NXPE2: variants seen among roughly 807,000 people sequenced by gnomAD.
NXPE2 encodes neurexophilin and PC-esterase domain family member 2.
Under a neutral mutation model 34.4 loss-of-function variants are expected in NXPE2, and 34 were observed. The observed-to-expected ratio is 0.99, with a 90% CI of 0.75 to 1.31. NXPE2 has a LOEUF of 1.31. Among genes scored for constraint, NXPE2 ranks in the 40% most tolerant of loss-of-function variants. The probability of loss-of-function intolerance (pLI) is 0.00; values close to 1 mark genes in which losing one functional copy is unlikely to be tolerated. For synonymous variants in NXPE2, 235 were observed against 231.3 expected, an observed-to-expected ratio of 1.02 and a Z score of -0.15; for missense variants, 649 against 672.5, an observed-to-expected ratio of 0.97 and a Z score of 0.39.
chr11:114,592,152 A>G, the NXPE2 span, among the ~76,000 whole-genome samples: 1 of 152,192 alleles, frequency 6.6e-6, no homozygotes, highest in African/African-American at 2.4e-5. Context: ...TATTCAACAT[A>G]GTATTGGAAG....
the NXPE2 span, among the ~76,000 whole-genome samples, chr11:114,531,094 A>C: frequency 6.6e-6 from 1 of 151,768 alleles, no homozygotes; most frequent in African/African-American, 2.4e-5. Flanking sequence ...GAAATGAGAT[A>C]TTATGATGAT....
Position 114,690,875 on chromosome 11 carries a change from A to C in NXPE2, c.133-7170A>C, listed in dbSNP as rs529017375. ...CTTCTGCTTGGTCTAGACCATTGTT[A>C]AGGTTTCCAACTGTATTTTAAAATT... On this transcript the variant is annotated intron_variant, in intron 2 of 5. Transcript: ENST00000389586. 8.5e-5 allele frequency among the ~76,000 whole-genome samples: 13 copies of C among 152,070 alleles called. No homozygotes were observed. The East Asian group carries it at 1.9e-3, about 23-fold the overall frequency.
At chr11:114,739,280 T>TTTCCTTCCTTCC in the NXPE2 span, among the ~76,000 whole-genome samples, 42 of 96,936 alleles carry the variant, frequency 4.3e-4, no homozygotes, top group African/African-American at 1.6e-3. Flanking sequence ...TTGCCATTAT[T>TTTCCTTCCTTCC]TTCCTTCCTT....
At chr11:114,522,141 C>G in the NXPE2 span, 6 of 1,614,016 alleles carry the variant, frequency 3.7e-6, no homozygotes, top group Admixed American at 1.7e-5. Flanking sequence ...TGGAAGTCTC[C>G]AAACCTCTCT....
chr11:114,498,530 G>A, the NXPE2 span, among the ~76,000 whole-genome samples: 1 of 151,992 alleles, frequency 6.6e-6, no homozygotes, highest in African/African-American at 2.4e-5. Context: ...ATGCAAAAGA[G>A]TAATGAGCAC....
the NXPE2 span, among the ~76,000 whole-genome samples, chr11:114,630,184 T>C: frequency 1.3e-5 from 2 of 151,756 alleles, no homozygotes; most frequent in African/African-American, 2.4e-5. Context: ...TTAAAGTTCA[T>C]ATGGAACCAA....
chr11:114,618,928 T>G, the NXPE2 span, among the ~76,000 whole-genome samples: 1 of 152,074 alleles, frequency 6.6e-6, no homozygotes, highest in African/African-American at 2.4e-5. Flanking sequence ...GGGTAATCAC[T>G]GCTACCCACT....
At chr11:114,613,421 G>A in the NXPE2 span, among the ~76,000 whole-genome samples, 1 of 151,726 alleles carries the variant, frequency 6.6e-6, no homozygotes, top group African/African-American at 2.4e-5. Flanking sequence ...GTTACCTGGT[G>A]GATAATAAGT....
the NXPE2 span, among the ~76,000 whole-genome samples, chr11:114,779,882 C>T: frequency 2.1e-4 from 32 of 152,118 alleles, no homozygotes; most frequent in Admixed American, 1.2e-3. Context: ...AGGTGAGTGA[C>T]GAAAAAGAAG....
chr11:114,514,571 T>G, the NXPE2 span, among the ~76,000 whole-genome samples: 1 of 152,032 alleles, frequency 6.6e-6, no homozygotes, highest in Non-Finnish European at 1.5e-5. Context: ...TGATATTTTG[T>G]AGGAATGAGG....
the NXPE2 span, among the ~76,000 whole-genome samples, chr11:114,795,989 C>A: frequency 6.6e-6 from 1 of 152,138 alleles, no homozygotes; most frequent in African/African-American, 2.4e-5. Context: ...CTATTCAGTA[C>A]CTAGAATTCC....
the NXPE2 span, among the ~76,000 whole-genome samples, chr11:114,662,818 C>T: frequency 5.0e-4 from 76 of 152,244 alleles, no homozygotes; most frequent in Non-Finnish European, 7.6e-4. Flanking sequence ...CCTGCTGCCT[C>T]GAAGGAAAGG....
the NXPE2 span, among the ~76,000 whole-genome samples, chr11:114,777,713 G>C: frequency 6.6e-6 from 1 of 152,150 alleles, no homozygotes; most frequent in African/African-American, 2.4e-5. Flanking sequence ...TCCCGTGTGA[G>C]CATAGTACAG....
the NXPE2 span, among the ~76,000 whole-genome samples, chr11:114,635,086 C>G: frequency 6.6e-6 from 1 of 151,704 alleles, no homozygotes; most frequent in African/African-American, 2.4e-5. Flanking sequence ...TTGATTCTTC[C>G]TACCCATGAG....
intron 2 of NXPE2, among the ~76,000 whole-genome samples, chr11:114,688,996 T>A (rs953381542): frequency 1.6e-4 from 24 of 152,100 alleles, no homozygotes; most frequent in Admixed American, 1.3e-3. Context: ...TTTGTGAATC[T>A]AGCTAGTGGT....
At chr11:114,723,846 G>T in the NXPE2 span, among the ~76,000 whole-genome samples, 1 of 152,116 alleles carries the variant, frequency 6.6e-6, no homozygotes, top group African/African-American at 2.4e-5. Context: ...CATGGAAGAA[G>T]GAAGGACATA....
chr11:114,471,879 G>A, the NXPE2 span, among the ~76,000 whole-genome samples: 13 of 152,242 alleles, frequency 8.5e-5, no homozygotes, highest in East Asian at 2.5e-3. Context: ...TAGAATAAAA[G>A]CAAAAACAAG....
the NXPE2 span, among the ~76,000 whole-genome samples, chr11:114,740,181 TG>T: frequency 2.0e-5 from 3 of 152,210 alleles, no homozygotes; most frequent in Admixed American, 6.5e-5. Context: ...TAGGTATATG[TG>T]GTCTTTCTCT....
At chr11:114,501,133 G>A in the NXPE2 span, among the ~76,000 whole-genome samples, 1 of 152,212 alleles carries the variant, frequency 6.6e-6, no homozygotes, top group African/African-American at 2.4e-5. Context: ...GGGTAGGAAT[G>A]TCCATCCTTT....
Sources: gnomAD v4.1 joint callset for allele counts (sites outside exome capture counted in the v4.1 genomes callset) on GRCh38, gnomAD v4.1.1 for gene constraint, MANE v1.5 for transcripts, NCBI Gene and HGNC (gene_info 2026-07-23, HGNC 2026-07-21) for gene names.